Variants in MAPKAPK5 observed in about 807,000 individuals in gnomAD.
The protein encoded by MAPKAPK5 is MAP kinase-activated protein kinase 5.
In MAPKAPK5, 30 loss-of-function variants were observed where a neutral mutation model predicts 65.1. That is an observed-to-expected ratio of 0.46 (90% CI 0.34 to 0.63). The LOEUF (loss-of-function observed/expected upper bound fraction) is 0.63. MAPKAPK5 is among the 20% of genes least tolerant of loss of function. The pLI, the probability that MAPKAPK5 is intolerant of heterozygous loss-of-function variation, is 0.01. For missense variants in MAPKAPK5, 433 were observed against 581.4 expected, an observed-to-expected ratio of 0.74 and a Z score of 2.63; for synonymous variants, 179 against 204.6, an observed-to-expected ratio of 0.87 and a Z score of 1.07.
At chr12:111,867,845 A>G (rs1248664984) in intron 4 of MAPKAPK5, among the ~76,000 whole-genome samples, 176 bp downstream of exon 4, 2 of 152,056 alleles carry the variant, frequency 1.3e-5, no homozygotes. Context: ...AATGTCAAGC[A>G]TTTGTAAAAG....
At position 111,900,649 on chromosome 12, in the gene MAPKAPK5, A is replaced by G; in HGVS notation, c.*7588A>G. 1 of 456,136 alleles carries G rather than the reference A, an allele frequency of 2.2e-6. No homozygotes were observed. Among genetic ancestry groups the G allele is most frequent in the South Asian group, 1.5e-5 (1 of 64,566 alleles). 28.3% of individuals were successfully genotyped at this position (456,136 alleles called of 1,614,324 possible). On this transcript the variant is annotated 3_prime_UTR_variant, in exon 14 of 14. Coordinates refer to ENST00000550735, the MANE Select transcript of MAPKAPK5 (RefSeq NM_003668.4). Reference sequence around the variant, plus strand: ...TGTCAGCATCATGCATGCTGTGATGAAAACTGTATACTGAAGGCGAAAGCA... The same window carrying G: ...TGTCAGCATCATGCATGCTGTGATGGAAACTGTATACTGAAGGCGAAAGCA...
rs1257265419 is a variant in MAPKAPK5, at chr12:111,868,659, G to GT, written c.285-93dup. The GT allele has an allele frequency of 9.8e-6, 9 of 916,394 alleles. 1 individual carries two copies. Among genetic ancestry groups the GT allele is most frequent in the Admixed American group, 2.6e-5 (1 of 37,926 alleles). 56.8% of individuals were successfully genotyped at this position (916,394 alleles called of 1,614,324 possible). ...AGTTGTTACACACTTTGTAGATGCAGTATCTTTAGGTCAGCTTCTTAATGT... is the reference window on the plus strand; with the variant it reads ...AGTTGTTACACACTTTGTAGATGCAGTTATCTTTAGGTCAGCTTCTTAATGT... On this transcript the variant is annotated intron_variant, in intron 4 of 13. Coordinates refer to ENST00000550735, the MANE Select transcript of MAPKAPK5 (RefSeq NM_003668.4).
intron 1 of MAPKAPK5, among the ~76,000 whole-genome samples, chr12:111,863,500 G>A (rs777846430): frequency 6.6e-6 from 1 of 152,074 alleles, no homozygotes; most frequent in Non-Finnish European, 1.5e-5. Context: ...TGTGTATTAC[G>A]TAAGCAAATA....
chr12:111,868,627 C>A, intron 4 of MAPKAPK5, 126 bp from the exon 5 acceptor site: 1 of 716,904 alleles, frequency 1.4e-6, no homozygotes, highest in Non-Finnish European at 2.3e-6. Flanking sequence ...TTACCCTGGA[C>A]TTAGGAAGTT....
chr12:111,869,070 T>A (rs1461682745), intron 5 of MAPKAPK5, among the ~76,000 whole-genome samples: 3 of 152,148 alleles, frequency 2.0e-5, no homozygotes, highest in Non-Finnish European at 4.4e-5. Flanking sequence ...TAATTGGTTG[T>A]CAACTGTTTC....
intron 1 of MAPKAPK5, among the ~76,000 whole-genome samples, chr12:111,863,679 C>G (rs2069516484): frequency 6.6e-6 from 1 of 151,312 alleles, no homozygotes; most frequent in South Asian, 2.1e-4. Context: ...TGATCTTGGC[C>G]CACAGCAACT....
intron 2 of MAPKAPK5, among the ~76,000 whole-genome samples, 193 bp downstream of exon 2, chr12:111,865,516 C>T (rs1190758777): frequency 2.6e-5 from 4 of 152,008 alleles, no homozygotes; most frequent in South Asian, 2.1e-4. Context: ...GTGACTGAGT[C>T]GCATGGTCTT....
At chr12:111,889,211 G>C (rs2070517754) in intron 12 of MAPKAPK5, 1 of 473,642 alleles carries the variant, frequency 2.1e-6, no homozygotes, top group Non-Finnish European at 3.7e-6. Context: ...GTTAAGTTCT[G>C]CCCCTCCTTT....
intron 1 of MAPKAPK5, among the ~76,000 whole-genome samples, chr12:111,860,925 G>A (rs1427193920): frequency 3.3e-5 from 5 of 151,672 alleles, no homozygotes; most frequent in African/African-American, 1.2e-4. Context: ...AAGTGAGGCC[G>A]AGGCAGGCAG....
chr12:111,859,604 C>T lies in MAPKAPK5; in HGVS notation c.37-5646C>T, dbSNP rs535914084. Among the ~76,000 whole-genome samples, 152 of 151,652 alleles carry T rather than the reference C, an allele frequency of 1.0e-3. 3 individuals are homozygous for T. The South Asian group carries it at 0.03, about 30-fold the overall frequency. ...ATTTTCAGCTGGGCTCAGTGTCCTACGCCTGTTATCCCAGCACTTCTTTTT... is the reference window on the plus strand; with the variant it reads ...ATTTTCAGCTGGGCTCAGTGTCCTATGCCTGTTATCCCAGCACTTCTTTTT... On this transcript the variant is annotated intron_variant, in intron 1 of 13. Transcript: ENST00000550735.
At chr12:111,877,103 C>T (rs1252780640) in intron 7 of MAPKAPK5, among the ~76,000 whole-genome samples, 1 of 152,128 alleles carries the variant, frequency 6.6e-6, no homozygotes, top group African/African-American at 2.4e-5. Context: ...CTGCAACCTC[C>T]ACCTCCCGGG....
intron 4 of MAPKAPK5, 111 bp from the exon 5 acceptor site, chr12:111,868,642 C>T (rs572702433): frequency 3.7e-6 from 3 of 802,526 alleles, no homozygotes; most frequent in South Asian, 3.4e-5. Flanking sequence ...GAAGTTGTTA[C>T]ACACTTTGTA....
chr12:111,851,099 T>C (rs2069067626), intron 1 of MAPKAPK5, among the ~76,000 whole-genome samples: 1 of 152,100 alleles, frequency 6.6e-6, no homozygotes, highest in Non-Finnish European at 1.5e-5. Context: ...GGTTTCAGCA[T>C]GTTGGCCAGG....
At position 111,883,434 on chromosome 12, in the gene MAPKAPK5, A is replaced by C; in HGVS notation, c.661-147A>C. On this transcript the variant is annotated intron_variant, in intron 8 of 13. Coordinates refer to ENST00000550735, the MANE Select transcript of MAPKAPK5 (RefSeq NM_003668.4). The surrounding 1 kb of genome is among the most constrained non-coding windows in gnomAD (Gnocchi z 4.8). The stretch of plus-strand genomic sequence containing the variant: ...GGAGATAAAGACTAGTTCTCCTAAG[A>C]CTTCCTTCAGCTTTCCTAGTCTCTG... 1.6e-6 allele frequency: 1 copy of C among 621,734 alleles called. No homozygotes were observed. The highest frequency in any genetic ancestry group is 2.8e-6 in the Non-Finnish European group (1 of 356,986). 38.5% of individuals were successfully genotyped at this position (621,734 alleles called of 1,614,324 possible).
chr12:111,900,119 C>G lies in MAPKAPK5; in HGVS notation c.*7058C>G, dbSNP rs953288206. ...TGCTGGCTGGAATGGAGATTTGGACCGAGGGGGACCTAATAGATGTCACAG... is the reference window on the plus strand; with the variant it reads ...TGCTGGCTGGAATGGAGATTTGGACGGAGGGGGACCTAATAGATGTCACAG... On this transcript the variant is annotated 3_prime_UTR_variant, in exon 14 of 14. Transcript: ENST00000550735. 1 of 455,964 alleles carries G rather than the reference C, an allele frequency of 2.2e-6. No individual in the cohort carries two copies. Among genetic ancestry groups the G allele is most frequent in the South Asian group, 1.5e-5 (1 of 64,546 alleles). The allele number at this position is 455,964 out of a possible 1,614,324, so 28.2% of individuals were successfully genotyped here. A position where few individuals can be genotyped will look rare whatever the true frequency, so the allele number is the denominator to read the frequency against.
chr12:111,842,712 G>T lies in MAPKAPK5; in HGVS notation c.-22G>T. 5 of 1,373,224 alleles carry T rather than the reference G, an allele frequency of 3.6e-6. No homozygotes were observed. Among genetic ancestry groups the T allele is most frequent in the East Asian group, 2.8e-5 (1 of 36,082 alleles). 85.1% of individuals were successfully genotyped at this position (1,373,224 alleles called of 1,614,324 possible). On this transcript the variant is annotated 5_prime_UTR_variant, in exon 1 of 14. Coordinates refer to ENST00000550735, the MANE Select transcript of MAPKAPK5 (RefSeq NM_003668.4). Reference sequence around the variant, plus strand: ...CTGCTGAGCAGCCTCCGCCTCTCCCGGCTGTGGGGGCCCCACTGAGTATGT... The same window carrying T: ...CTGCTGAGCAGCCTCCGCCTCTCCCTGCTGTGGGGGCCCCACTGAGTATGT...
At chr12:111,870,649 A>AT (rs2069755623) in intron 6 of MAPKAPK5, among the ~76,000 whole-genome samples, 1 of 152,078 alleles carries the variant, frequency 6.6e-6, no homozygotes, top group Non-Finnish European at 1.5e-5. Context: ...GCTGTTATAT[A>AT]TTATCTCGTT....
rs1168061433 is a variant in MAPKAPK5, at chr12:111,899,854, G to A, written c.*6793G>A. 2 of 453,446 alleles carry A rather than the reference G, an allele frequency of 4.4e-6. No individual in the cohort carries two copies. Among genetic ancestry groups the A allele is most frequent in the African/African-American group, 4.0e-5 (2 of 50,024 alleles). 28.1% of individuals were successfully genotyped at this position (453,446 alleles called of 1,614,324 possible). On this transcript the variant is annotated 3_prime_UTR_variant, in exon 14 of 14. Coordinates refer to ENST00000550735, the MANE Select transcript of MAPKAPK5 (RefSeq NM_003668.4). ...GGTTTGAACATGTGTTATACACCAT[G>A]GCACATCAAGCGTGAGTCTCCTGTG...
Position 111,899,702 on chromosome 12 carries a change from T to C in MAPKAPK5, c.*6641T>C. ...CTTTCATCTCACATGACTGCCACTA[T>C]GAAGGCTACATAGAAGGAGTGTCAG... is the stretch of plus-strand genomic sequence containing the variant. On this transcript the variant is annotated 3_prime_UTR_variant, in exon 14 of 14. Transcript: ENST00000550735. 3.2e-6 allele frequency: 1 copy of C among 308,486 alleles called. No homozygotes were observed. Among genetic ancestry groups the C allele is most frequent in the South Asian group, 2.8e-5 (1 of 35,950 alleles). 19.1% of individuals were successfully genotyped at this position (308,486 alleles called of 1,614,324 possible). A position where few individuals can be genotyped will look rare whatever the true frequency, so the allele number is the denominator to read the frequency against.
Sources: allele counts gnomAD v4.1 joint callset (sites outside exome capture counted in the v4.1 genomes callset), GRCh38; gene constraint gnomAD v4.1.1; non-coding constraint Gnocchi (gnomAD v3.1); transcripts MANE v1.5; gene names NCBI Gene and HGNC (gene_info 2026-07-23, HGNC 2026-07-21).